The following CBLB variants were observed in gnomAD, a reference collection of about 807,000 sequenced individuals.
CBLB encodes the protein E3 ubiquitin-protein ligase CBL-B.
CBLB carries 31 observed loss-of-function variants against 104.9 expected under a neutral mutation model. The ratio of observed to expected loss-of-function variants is 0.30; its 90% CI spans 0.22 to 0.40. CBLB has a LOEUF of 0.40. Ranked by LOEUF, CBLB falls within the 10% of genes least tolerant of loss-of-function variation. The pLI is 1.00. For missense variants in CBLB, 1,062 were observed against 1,214.6 expected, an observed-to-expected ratio of 0.87 and a Z score of 1.87; for synonymous variants, 440 against 422.6, an observed-to-expected ratio of 1.04 and a Z score of -0.51.
intron 3 of CBLB, among the ~76,000 whole-genome samples, chr3:105,798,872 G>C (rs916149861): frequency 3.3e-5 from 5 of 152,178 alleles, no homozygotes; most frequent in Non-Finnish European, 5.9e-5. Context: ...TGAGACAGAG[G>C]GGGTCAGGCA....
intron 3 of CBLB, among the ~76,000 whole-genome samples, chr3:105,795,911 T>G (rs926919506): frequency 1.3e-5 from 2 of 151,546 alleles, no homozygotes; most frequent in Non-Finnish European, 2.9e-5. Flanking sequence ...GCCTGGTTAA[T>G]TTTTGTATTT....
At chr3:105,701,983 C>T (rs2069190937) in intron 12 of CBLB, 111 bp downstream of exon 12, 1 of 1,126,974 alleles carries the variant, frequency 8.9e-7, no homozygotes, top group Non-Finnish European at 1.3e-6. Flanking sequence ...TAAAGACTTA[C>T]AGGGAAGTGC....
chr3:105,659,161 T>G lies in CBLB; in HGVS notation c.2758A>C (p.Arg920=), dbSNP rs776962147. ...GCCGCCTCAGGCCCATGGGGTTTTC[T>G]GTGGTGAATTTCTGGTGCAGTCCTG... ...PRRTAPEIHH[R]KPHGPEAALE... Residue 920 remains arginine, a synonymous_variant, in exon 19 of 19, where the codon AGA becomes CGA. Coordinates refer to ENST00000394030, the MANE Select transcript of CBLB (RefSeq NM_170662.5). 6.2e-7 allele frequency: 1 copy of G among 1,613,960 alleles called. No individual in the cohort carries two copies. The highest frequency in any genetic ancestry group is 8.5e-7 in the Non-Finnish European group (1 of 1,179,960).
At chr3:105,666,315 CTT>C (rs1182065123) in intron 18 of CBLB, among the ~76,000 whole-genome samples, 1 of 152,102 alleles carries the variant, frequency 6.6e-6, no homozygotes, top group Non-Finnish European at 1.5e-5. Context: ...TTATGATTAA[CTT>C]TGTTATTCTA....
chr3:105,695,340 G>A (rs928184800), intron 12 of CBLB, among the ~76,000 whole-genome samples: 5 of 151,680 alleles, frequency 3.3e-5, no homozygotes, highest in Non-Finnish European at 5.9e-5. Flanking sequence ...CATTATGAAC[G>A]TATCTTTAAA....
intron 2 of CBLB, among the ~76,000 whole-genome samples, chr3:105,863,289 A>G (rs1258690772): frequency 6.6e-6 from 1 of 152,220 alleles, no homozygotes; most frequent in Non-Finnish European, 1.5e-5. Context: ...TCACAACACA[A>G]ATTCAAAACT....
chr3:105,755,086 G>C (rs1324504765), intron 4 of CBLB, among the ~76,000 whole-genome samples: 8 of 147,028 alleles, frequency 5.4e-5, no homozygotes. Flanking sequence ...GTGCAGGTTA[G>C]TTACATATGT....
intron 3 of CBLB, among the ~76,000 whole-genome samples, chr3:105,782,118 A>G (rs2080329042): frequency 6.6e-6 from 1 of 152,118 alleles, no homozygotes; most frequent in Non-Finnish European, 1.5e-5. Flanking sequence ...TTTTTCTCTC[A>G]TGGGAATAGA....
Position 105,856,704 on chromosome 3 carries a change from A to G in CBLB, c.169-3040T>C, listed in dbSNP as rs1340568712. ...AAGGTATAGGCTTAGTTAAAAAGTAATAATAGTATTTTTATCTCCAAGAAA... is the reference window on the plus strand; with the variant it reads ...AAGGTATAGGCTTAGTTAAAAAGTAGTAATAGTATTTTTATCTCCAAGAAA... On this transcript the variant is annotated intron_variant, in intron 2 of 18. Coordinates refer to ENST00000394030, the MANE Select transcript of CBLB (RefSeq NM_170662.5). Among the ~76,000 whole-genome samples the G allele has an allele frequency of 2.0e-5, 3 of 152,226 alleles. No individual in the cohort carries two copies. The East Asian group carries it at 5.8e-4, about 29-fold the overall frequency.
At chr3:105,760,266 A>G (rs767302418) in intron 4 of CBLB, among the ~76,000 whole-genome samples, 2 of 152,226 alleles carry the variant, frequency 1.3e-5, no homozygotes, top group South Asian at 2.1e-4. Context: ...AGGAACAGGA[A>G]GAGAAGCTGC....
chr3:105,829,201 C>T (rs2087046894), intron 3 of CBLB, among the ~76,000 whole-genome samples: 2 of 152,128 alleles, frequency 1.3e-5, no homozygotes, highest in South Asian at 2.1e-4. Flanking sequence ...AAATATGCCT[C>T]CTTTTAGGAA....
intron 13 of CBLB, among the ~76,000 whole-genome samples, chr3:105,689,698 A>C (rs1481183481): frequency 6.6e-6 from 1 of 151,640 alleles, no homozygotes; most frequent in Non-Finnish European, 1.5e-5. Flanking sequence ...TTATTTCAAA[A>C]TAAATATAAT....
chr3:105,868,785 C>G lies in CBLB; in HGVS notation c.-64G>C. On this transcript the variant is annotated 5_prime_UTR_variant, in exon 1 of 19. Transcript: ENST00000394030. Reference sequence around the variant, plus strand: ...GACACGCGTGTGCGCGGGTCCCACTCCACACGCACGCAGCCCAGTGTGTGT... The same window carrying G: ...GACACGCGTGTGCGCGGGTCCCACTGCACACGCACGCAGCCCAGTGTGTGT... 1 of 989,680 alleles carries G rather than the reference C, an allele frequency of 1.0e-6. No homozygotes were observed. Among genetic ancestry groups the G allele is most frequent in the Non-Finnish European group, 1.2e-6 (1 of 832,648 alleles). 61.3% of individuals were successfully genotyped at this position (989,680 alleles called of 1,614,324 possible). A position where few individuals can be genotyped will look rare whatever the true frequency, so the allele number is the denominator to read the frequency against.
intron 3 of CBLB, among the ~76,000 whole-genome samples, chr3:105,811,039 A>G (rs2084220004): frequency 1.3e-5 from 2 of 152,192 alleles, no homozygotes; most frequent in Non-Finnish European, 2.9e-5. Flanking sequence ...AAGCATTAGC[A>G]GATATGTATG....
intron 4 of CBLB, among the ~76,000 whole-genome samples, chr3:105,769,904 G>A (rs563064691): frequency 6.6e-6 from 1 of 152,290 alleles, no homozygotes; most frequent in Admixed American, 6.5e-5. Context: ...TGGAGATAGG[G>A]AGACTAATCA....
At chr3:105,866,762 G>A (rs1178152336) in intron 2 of CBLB, among the ~76,000 whole-genome samples, 2 of 152,066 alleles carry the variant, frequency 1.3e-5, no homozygotes, top group African/African-American at 2.4e-5. Context: ...AACCACAGAG[G>A]TTTCTGATAC....
chr3:105,686,603 C>T (rs2067040162), intron 13 of CBLB, among the ~76,000 whole-genome samples: 2 of 152,048 alleles, frequency 1.3e-5, no homozygotes, highest in East Asian at 1.9e-4. Context: ...ATTTTAGGGG[C>T]TTTTCTTTGT....
chr3:105,685,858 G>A (rs1396208065), intron 13 of CBLB, among the ~76,000 whole-genome samples: 1 of 152,052 alleles, frequency 6.6e-6, no homozygotes, highest in Admixed American at 6.6e-5. Context: ...TAATAAGCAT[G>A]GTTGTTTTAT....
At chr3:105,718,233 T>G (rs1157813674) in intron 10 of CBLB, among the ~76,000 whole-genome samples, 3 of 152,192 alleles carry the variant, frequency 2.0e-5, no homozygotes, top group African/African-American at 7.2e-5. Context: ...ACTGTATCTT[T>G]CAGGATTAAA....
Sources: allele counts gnomAD v4.1 joint callset (sites outside exome capture counted in the v4.1 genomes callset), GRCh38; gene constraint gnomAD v4.1.1; transcripts MANE v1.5; gene names NCBI Gene and HGNC (gene_info 2026-07-23, HGNC 2026-07-21).